The following NCK2 variants were observed in gnomAD, a reference collection of about 807,000 sequenced individuals.
NCK2 encodes cytoplasmic protein NCK2.
Under a neutral mutation model 33.9 loss-of-function variants are expected in NCK2, and 16 were observed. The ratio of observed to expected loss-of-function variants is 0.47; its 90% CI spans 0.32 to 0.72. The LOEUF (loss-of-function observed/expected upper bound fraction) is 0.72, where lower values mean the gene tolerates loss of function less well. NCK2 is among the 30% of genes least tolerant of loss of function. The pLI is 0.03. For missense variants in NCK2, 418 were observed against 537.3 expected, an observed-to-expected ratio of 0.78 and a Z score of 2.19; for synonymous variants, 273 against 239.9, an observed-to-expected ratio of 1.14 and a Z score of -1.27.
chr2:105,747,534 C>A (rs1466251442), intron 1 of NCK2, among the ~76,000 whole-genome samples: 1 of 152,178 alleles, frequency 6.6e-6, no homozygotes, highest in African/African-American at 2.4e-5. Context: ...AAATCATTCT[C>A]TGACATTAAA....
chr2:105,876,986 G>A (rs983108375), intron 3 of NCK2, among the ~76,000 whole-genome samples: 4 of 152,116 alleles, frequency 2.6e-5, no homozygotes, highest in South Asian at 2.1e-4. Flanking sequence ...AGCAGAAACC[G>A]TCCCTTTGAG....
chr2:105,745,353 C>T (rs1012112606), intron 1 of NCK2, among the ~76,000 whole-genome samples: 53 of 151,910 alleles, frequency 3.5e-4, no homozygotes, highest in African/African-American at 1.2e-3. Context: ...CACCTTCCTG[C>T]CCGCCTTCCC....
rs182214630 is a variant in NCK2, at chr2:105,892,003, C to T, written c.949-979C>T. Among the ~76,000 whole-genome samples the T allele has an allele frequency of 6.8e-4, 103 of 152,096 alleles. No individual in the cohort carries two copies. In the South Asian group the frequency reaches 8.5e-3, roughly 13 times the overall value. The stretch of plus-strand genomic sequence containing the variant: ...TTGTGAACTATGTTTAAAATGCGAC[C>T]GGAATTTTCCACTGCTGTTCATATT... On this transcript the variant is annotated intron_variant, in intron 4 of 4. Transcript: ENST00000233154.
chr2:105,858,394 G>T (rs1443602205), intron 3 of NCK2, among the ~76,000 whole-genome samples: 1 of 152,108 alleles, frequency 6.6e-6, no homozygotes, highest in Non-Finnish European at 1.5e-5. Context: ...GGGACTACGG[G>T]CATGCACTAC....
chr2:105,825,540 T>C (rs116241233), intron 2 of NCK2, among the ~76,000 whole-genome samples: 2,646 of 152,332 alleles, frequency 0.017, 40 homozygotes, highest in Non-Finnish European at 0.021. Flanking sequence ...TTCCCACACC[T>C]GGTGTTTTCC....
At position 105,893,370 on chromosome 2, in the gene NCK2, G is replaced by A. The variant is rs1050946164; in HGVS notation, c.*194G>A. The A allele has an allele frequency of 2.5e-5, 14 of 567,114 alleles. No individual in the cohort carries two copies. Among genetic ancestry groups the A allele is most frequent in the Non-Finnish European group, 3.7e-5 (12 of 321,732 alleles). The allele number at this position is 567,114 out of a possible 1,614,324, so 35.1% of individuals were successfully genotyped here. ...CACCCACACTCGAGCCCACCCGGCC[G>A]GCCAGCTTTAGAGGAGGGGAGGAGC... On this transcript the variant is annotated 3_prime_UTR_variant, in exon 5 of 5. Coordinates refer to ENST00000233154, the MANE Select transcript of NCK2 (RefSeq NM_003581.5).
rs114173496 is a variant in NCK2 at position 105,878,419 on chromosome 2, T to C, written c.227-2909T>C. 1.7e-3 allele frequency among the ~76,000 whole-genome samples: 261 copies of C among 152,112 alleles called. 1 individual carries two copies. The highest frequency in any genetic ancestry group is 6.0e-3 in the African/African-American group (247 of 41,490). ...TCATCCAGTCTAACTGGTGTTCTTA[T>C]AAGAAAAGGAGATTGGAACACAAAG... On this transcript the variant is annotated intron_variant, in intron 3 of 4. Transcript: ENST00000233154.
In NCK2 at chr2:105,858,058, G is replaced by GTTT. The variant is rs70953539; in HGVS notation, c.226+2778_226+2780dup. Among the ~76,000 whole-genome samples the GTTT allele has an allele frequency of 1.7e-3, 249 of 143,070 alleles. 3 individuals carry two copies. Among genetic ancestry groups the GTTT allele is most frequent in the South Asian group, 0.015 (67 of 4,564 alleles). 93.9% of individuals were successfully genotyped at this position (143,070 alleles called of 152,430 possible). On this transcript the variant is annotated intron_variant, in intron 3 of 4. Coordinates refer to ENST00000233154, the MANE Select transcript of NCK2 (RefSeq NM_003581.5). ...CTTTGTTTTTTGGGGTTTTTTTTTT[G>GTTT]TTTTTTTTTTTGCTAAAAAGATAGG...
chr2:105,746,028 T>C (rs1479685669), intron 1 of NCK2: 2 of 150,016 alleles, frequency 1.3e-5, no homozygotes, highest in Admixed American at 6.6e-5. Flanking sequence ...CTAGGGGTCA[T>C]TGGCTGGTGG....
intron 1 of NCK2, among the ~76,000 whole-genome samples, chr2:105,755,832 G>T (rs2104340618): frequency 6.6e-6 from 1 of 152,264 alleles, no homozygotes; most frequent in Non-Finnish European, 1.5e-5. Context: ...TGTTACTAAG[G>T]TTCATAGGAT....
intron 4 of NCK2, among the ~76,000 whole-genome samples, chr2:105,885,091 A>G (rs189585858): frequency 2.6e-4 from 39 of 152,312 alleles, no homozygotes; most frequent in African/African-American, 8.9e-4. Flanking sequence ...CAAGTTGTCA[A>G]TATTTTATTT....
At chr2:105,842,818 C>T (rs72825197) in intron 2 of NCK2, among the ~76,000 whole-genome samples, 2,432 of 144,040 alleles carry the variant, frequency 0.017, 31 homozygotes, top group Non-Finnish European at 0.026. Context: ...GAGAGGGCGG[C>T]TGTGGTTTTG....
At chr2:105,773,876 C>T (rs1019170728) in intron 1 of NCK2, among the ~76,000 whole-genome samples, 1 of 152,260 alleles carries the variant, frequency 6.6e-6, no homozygotes, top group Middle Eastern at 3.4e-3. Context: ...GGTAGTCCAG[C>T]AGTCTTTTCT....
chr2:105,818,966 G>A (rs1277577854), intron 2 of NCK2, among the ~76,000 whole-genome samples: 2 of 152,156 alleles, frequency 1.3e-5, no homozygotes, highest in Non-Finnish European at 2.9e-5. Flanking sequence ...AACAGCATAA[G>A]ATTAATATGC....
At chr2:105,841,655 C>T (rs1006364609) in intron 2 of NCK2, among the ~76,000 whole-genome samples, 1 of 152,194 alleles carries the variant, frequency 6.6e-6, no homozygotes, top group South Asian at 2.1e-4. Flanking sequence ...AGTCCCAACC[C>T]TCTAATCCTG....
intron 1 of NCK2, among the ~76,000 whole-genome samples, chr2:105,793,761 C>A (rs1276759213): frequency 1.3e-5 from 2 of 152,216 alleles, no homozygotes; most frequent in Non-Finnish European, 2.9e-5. Context: ...GTTCTCTTGC[C>A]ACGTGCCTGT....
In NCK2 at chr2:105,752,403, A is replaced by G. The variant is rs930389533; in HGVS notation, c.-201+7265A>G. On this transcript the variant is annotated intron_variant, in intron 1 of 4. Transcript: ENST00000233154. ...GATTCAGTTAAAACTAATATCTATC[A>G]TCAAAATACCTTGTTCATTTTACAA... is the stretch of plus-strand genomic sequence containing the variant. Among the ~76,000 whole-genome samples the G allele has an allele frequency of 6.7e-4, 102 of 152,254 alleles. 1 individual carries two copies. Among genetic ancestry groups the G allele is most frequent in the Non-Finnish European group, 1.6e-4 (11 of 68,044 alleles).
intron 3 of NCK2, among the ~76,000 whole-genome samples, chr2:105,877,422 C>T (rs965665171): frequency 6.6e-6 from 1 of 152,188 alleles, no homozygotes; most frequent in Non-Finnish European, 1.5e-5. Context: ...AACCCAGCAA[C>T]TTGGTCCCAT....
chr2:105,764,005 T>C (rs1238750302), intron 1 of NCK2, among the ~76,000 whole-genome samples: 2 of 152,222 alleles, frequency 1.3e-5, no homozygotes, highest in African/African-American at 4.8e-5. Context: ...ATTTCATATG[T>C]GTTGCCTAAT....
Sources: gnomAD v4.1 joint callset for allele counts (sites outside exome capture counted in the v4.1 genomes callset) on GRCh38, gnomAD v4.1.1 for gene constraint, MANE v1.5 for transcripts, NCBI Gene and HGNC (gene_info 2026-07-23, HGNC 2026-07-21) for gene names.